The following CTNNA3 variants were observed in gnomAD, a reference collection of about 807,000 sequenced individuals.
CTNNA3 encodes the protein catenin alpha-3.
A neutral mutation model predicts 95.7 loss-of-function variants in CTNNA3; 76 were observed. The observed-to-expected ratio is 0.79, with a 90% CI of 0.66 to 0.96. CTNNA3 has a LOEUF of 0.96. CTNNA3 is among the 40% of genes least tolerant of loss of function. CTNNA3 has a pLI of 0.00. For missense variants in CTNNA3, 1,191 were observed against 1,089.8 expected, an observed-to-expected ratio of 1.09 and a Z score of -1.31; for synonymous variants, 431 against 374.4, an observed-to-expected ratio of 1.15 and a Z score of -1.74.
At chr10:66,907,489 A>C (rs1428698791) in intron 7 of CTNNA3, among the ~76,000 whole-genome samples, 1 of 152,156 alleles carries the variant, frequency 6.6e-6, no homozygotes, top group African/African-American at 2.4e-5. Flanking sequence ...AACTGTATTG[A>C]AAGGGTTGAT....
chr10:67,543,443 AGTTCCTTTGCTT>A (rs1353235536), intron 3 of CTNNA3, among the ~76,000 whole-genome samples: 2 of 152,106 alleles, frequency 1.3e-5, no homozygotes, highest in African/African-American at 4.8e-5. Flanking sequence ...TTATTTTACA[AGTTCCTTTGCTT>A]CATTTAAAAG....
intron 7 of CTNNA3, among the ~76,000 whole-genome samples, chr10:67,018,089 C>T (rs1852774916): frequency 6.6e-6 from 1 of 152,100 alleles, no homozygotes; most frequent in East Asian, 1.9e-4. Context: ...ATATATTAAA[C>T]ATATATTTTA....
intron 13 of CTNNA3, among the ~76,000 whole-genome samples, chr10:66,193,164 A>G (rs1420988705): frequency 1.3e-5 from 2 of 152,216 alleles, no homozygotes; most frequent in East Asian, 3.9e-4. Context: ...TATTCTCAAG[A>G]AACCAATGTC....
chr10:67,226,552 C>A (rs866460545), intron 5 of CTNNA3, among the ~76,000 whole-genome samples: 1 of 152,192 alleles, frequency 6.6e-6, no homozygotes, highest in African/African-American at 2.4e-5. Flanking sequence ...AAGTAAGAAG[C>A]AATTGGGACC....
intron 10 of CTNNA3, among the ~76,000 whole-genome samples, chr10:66,568,625 A>G (rs1842781784): frequency 6.6e-6 from 1 of 152,054 alleles, no homozygotes; most frequent in Admixed American, 6.6e-5. Context: ...GCACAGTTAA[A>G]GAGACTGCAG....
At chr10:66,879,770 T>A (rs989008052) in intron 7 of CTNNA3, among the ~76,000 whole-genome samples, 1 of 152,074 alleles carries the variant, frequency 6.6e-6, no homozygotes, top group Non-Finnish European at 1.5e-5. Flanking sequence ...GTGAAAATTA[T>A]GATGCAGAGG....
intron 13 of CTNNA3, among the ~76,000 whole-genome samples, chr10:66,193,776 C>CTATACTAAA (rs1439927433): frequency 5.3e-5 from 8 of 152,066 alleles, no homozygotes; most frequent in South Asian, 2.1e-4. Flanking sequence ...AAAAGCATGG[C>CTATACTAAA]AACATATCCT....
In CTNNA3 at chr10:66,927,693, T is replaced by C. The variant is rs745726097; in HGVS notation, c.1048-152169A>G. The C allele has an allele frequency of 8.1e-6, 13 of 1,614,170 alleles. No individual in the cohort carries two copies. In the East Asian group the frequency reaches 2.9e-4, roughly 36 times the overall value. On this transcript the variant is annotated intron_variant, in intron 7 of 17. Coordinates refer to ENST00000433211, the MANE Select transcript of CTNNA3 (RefSeq NM_013266.4). The surrounding 1 kb of genome is among the most constrained non-coding windows in gnomAD (Gnocchi z 4.7). ...CCTGGAGCTCCTTACAAAGGCTTGA[T>C]TTATCAGGCAATGAGATCGAAGCTT...
intron 12 of CTNNA3, among the ~76,000 whole-genome samples, chr10:66,313,116 C>T (rs1482008236): frequency 6.6e-6 from 1 of 152,196 alleles, no homozygotes; most frequent in Non-Finnish European, 1.5e-5. Context: ...TAAAACCTAT[C>T]ATTTACGGAG....
At chr10:66,069,619 T>C (rs555918085) in intron 14 of CTNNA3, 130 bp from the exon 15 acceptor site, 192 of 619,858 alleles carry the variant, frequency 3.1e-4, no homozygotes, top group Non-Finnish European at 4.8e-4. Flanking sequence ...GTTAAATTCA[T>C]TCAATTAAAA....
intron 5 of CTNNA3, among the ~76,000 whole-genome samples, chr10:67,221,227 T>C (rs1006036313): frequency 6.6e-6 from 1 of 152,086 alleles, no homozygotes; most frequent in African/African-American, 2.4e-5. Flanking sequence ...TGGAGAAAAC[T>C]GGAAAAAAGG....
chr10:66,360,747 C>CTTT (rs2092658508), intron 12 of CTNNA3, among the ~76,000 whole-genome samples: 2 of 27,020 alleles, frequency 7.4e-5, no homozygotes, highest in African/African-American at 2.7e-4. Flanking sequence ...TTTCTTTCTT[C>CTTT]CTTCCTTCCT....
At chr10:66,291,833 A>G (rs2091686145) in intron 12 of CTNNA3, among the ~76,000 whole-genome samples, 2 of 151,550 alleles carry the variant, frequency 1.3e-5, no homozygotes, top group Non-Finnish European at 2.9e-5. Flanking sequence ...GTGTGAACAC[A>G]TAAATTATAT....
chr10:67,533,984 G>A (rs1195283464), intron 4 of CTNNA3, among the ~76,000 whole-genome samples: 1 of 151,668 alleles, frequency 6.6e-6, no homozygotes, highest in Non-Finnish European at 1.5e-5. Flanking sequence ...TGTGAGCTCA[G>A]AGGAATTCTT....
At chr10:67,611,765 G>A (rs1318692336) in intron 2 of CTNNA3, among the ~76,000 whole-genome samples, 3 of 151,944 alleles carry the variant, frequency 2.0e-5, no homozygotes, top group African/African-American at 7.3e-5. Flanking sequence ...TTGTTTATTA[G>A]CTAAAACACT....
At chr10:67,382,696 A>T (rs552194393) in intron 5 of CTNNA3, among the ~76,000 whole-genome samples, 1 of 152,264 alleles carries the variant, frequency 6.6e-6, no homozygotes, top group Non-Finnish European at 1.5e-5. Flanking sequence ...TGGGTGATTT[A>T]TAAAGAAAAG....
In CTNNA3 at chr10:66,850,639, T is replaced by C. The variant is rs1311182854; in HGVS notation, c.1048-75115A>G. Among the ~76,000 whole-genome samples, 3 of 152,180 alleles carry C rather than the reference T, an allele frequency of 2.0e-5. No homozygotes were observed. The South Asian group carries it at 6.2e-4, about 32-fold the overall frequency. On this transcript the variant is annotated intron_variant, in intron 7 of 17. Coordinates refer to ENST00000433211, the MANE Select transcript of CTNNA3 (RefSeq NM_013266.4). ...CTTAATACCATTGTATTTTGACTAC[T>C]ATTCTTAAATAATAAGACAACCATT...
chr10:67,218,272 C>G (rs549254248), intron 6 of CTNNA3, among the ~76,000 whole-genome samples: 7 of 152,226 alleles, frequency 4.6e-5, no homozygotes, highest in African/African-American at 1.7e-4. Context: ...AACAATGGTT[C>G]AACTTATAAT....
intron 11 of CTNNA3, among the ~76,000 whole-genome samples, chr10:66,394,598 C>T (rs1337184346): frequency 6.7e-6 from 1 of 149,490 alleles, no homozygotes; most frequent in Non-Finnish European, 1.5e-5. Context: ...AGGATATTAC[C>T]AGACTGAGCA....
Sources: allele counts gnomAD v4.1 joint callset (sites outside exome capture counted in the v4.1 genomes callset), GRCh38; gene constraint gnomAD v4.1.1; non-coding constraint Gnocchi (gnomAD v3.1); transcripts MANE v1.5; gene names NCBI Gene and HGNC (gene_info 2026-07-23, HGNC 2026-07-21).